Variants in SEMA5A observed in about 807,000 individuals in gnomAD.
SEMA5A encodes the protein semaphorin-5A.
In SEMA5A, 55 loss-of-function variants were observed where a neutral mutation model predicts 135.5. The observed-to-expected ratio is 0.41, with a 90% CI of 0.33 to 0.51. The LOEUF (loss-of-function observed/expected upper bound fraction) is 0.51. SEMA5A is among the 20% of genes least tolerant of loss of function. The probability of loss-of-function intolerance (pLI) is 0.37; values close to 1 mark genes in which losing one functional copy is unlikely to be tolerated. For missense variants in SEMA5A, 1,290 were observed against 1,419.9 expected (o/e 0.91, Z 1.47); for synonymous variants, 580 against 546.5 (o/e 1.06, Z -0.85).
intron 11 of SEMA5A, among the ~76,000 whole-genome samples, chr5:9,184,741 G>C (rs1744715271): frequency 6.6e-6 from 1 of 151,732 alleles, no homozygotes; most frequent in Non-Finnish European, 1.5e-5. Context: ...TTCAACTCTG[G>C]GTACTGACTT....
intron 2 of SEMA5A, among the ~76,000 whole-genome samples, chr5:9,410,582 C>T (rs1366298784): frequency 6.6e-6 from 1 of 152,100 alleles, no homozygotes; most frequent in Non-Finnish European, 1.5e-5. Flanking sequence ...AGCTGGAAGC[C>T]ATCTTCCTCA....
intron 5 of SEMA5A, among the ~76,000 whole-genome samples, chr5:9,308,761 G>A (rs1751988777): frequency 1.3e-5 from 2 of 152,064 alleles, no homozygotes; most frequent in African/African-American, 2.4e-5. Context: ...TCAGATGGCT[G>A]ATCTTGGCTA....
intron 1 of SEMA5A, among the ~76,000 whole-genome samples, chr5:9,478,552 A>G (rs1759757584): frequency 6.6e-6 from 1 of 152,222 alleles, no homozygotes; most frequent in African/African-American, 2.4e-5. Context: ...GATGTGAGAC[A>G]TGGAGTCAAA....
intron 5 of SEMA5A, among the ~76,000 whole-genome samples, chr5:9,284,859 A>G (rs1016216021): frequency 6.6e-6 from 1 of 152,288 alleles, no homozygotes; most frequent in Non-Finnish European, 1.5e-5. Context: ...TTATAGTTCT[A>G]TTCTAGTACT....
intron 17 of SEMA5A, 70 bp downstream of exon 17, chr5:9,066,351 T>A: frequency 6.8e-7 from 1 of 1,462,976 alleles, no homozygotes; most frequent in Non-Finnish European, 9.6e-7. Flanking sequence ...CCTTGCTGTT[T>A]ATGACCTTAG....
intron 5 of SEMA5A, among the ~76,000 whole-genome samples, chr5:9,288,435 A>G (rs906846250): frequency 6.6e-6 from 1 of 152,172 alleles, no homozygotes; most frequent in African/African-American, 2.4e-5. Flanking sequence ...CAGGCCTTCC[A>G]AGGACCTTTT....
At chr5:9,058,405 C>T (rs1320009722) in intron 18 of SEMA5A, among the ~76,000 whole-genome samples, 1 of 152,136 alleles carries the variant, frequency 6.6e-6, no homozygotes, top group Non-Finnish European at 1.5e-5. Flanking sequence ...ATAGGAATCT[C>T]CTCATGGCTT....
intron 15 of SEMA5A, among the ~76,000 whole-genome samples, chr5:9,109,441 C>G (rs1031655891): frequency 1.3e-5 from 2 of 152,182 alleles, no homozygotes; most frequent in Non-Finnish European, 2.9e-5. Flanking sequence ...CAGGTTACAG[C>G]TCATAGAAAG....
At chr5:9,302,953 A>G (rs761940726) in intron 5 of SEMA5A, among the ~76,000 whole-genome samples, 1 of 152,184 alleles carries the variant, frequency 6.6e-6, no homozygotes, top group Non-Finnish European at 1.5e-5. Context: ...GCTATAAGTC[A>G]TGCATATATA....
chr5:9,230,509 C>T (rs369334503), intron 6 of SEMA5A, among the ~76,000 whole-genome samples: 2 of 152,046 alleles, frequency 1.3e-5, no homozygotes, highest in East Asian at 1.9e-4. Flanking sequence ...TGAAAGAGCA[C>T]GTTCTGATCA....
At chr5:9,185,581 A>T (rs1434779365) in intron 11 of SEMA5A, among the ~76,000 whole-genome samples, 1 of 152,230 alleles carries the variant, frequency 6.6e-6, no homozygotes, top group Non-Finnish European at 1.5e-5. Context: ...AAAAGAGATC[A>T]CATTCCTTTT....
At position 9,041,274 on chromosome 5, in the gene SEMA5A, C is replaced by A. The variant is rs1430201789; in HGVS notation, c.*1623G>T. The A allele has an allele frequency of 6.6e-6, 1 of 152,164 alleles. No individual in the cohort carries two copies. 9.4% of individuals were successfully genotyped at this position (152,164 alleles called of 1,614,324 possible). ...AAAGATAAGGGTAAAATCACATATG[C>A]TAATAAAATTCTATGTTCCTTAGTC... On this transcript the variant is annotated 3_prime_UTR_variant, in exon 23 of 23. Transcript: ENST00000382496.
intron 3 of SEMA5A, among the ~76,000 whole-genome samples, chr5:9,353,085 AAAGGAAAGG>A (rs1176007504): frequency 2.2e-4 from 3 of 13,350 alleles, no homozygotes; most frequent in Non-Finnish European, 3.6e-4. Context: ...AAAGGAAAGG[AAAGGAAAGG>A]AAGGAAGGAA....
intron 2 of SEMA5A, among the ~76,000 whole-genome samples, chr5:9,416,514 C>A (rs760785314): frequency 6.6e-6 from 1 of 152,160 alleles, no homozygotes; most frequent in Non-Finnish European, 1.5e-5. Flanking sequence ...CTCGCCCCTA[C>A]CCCAGAGCCT....
At chr5:9,291,026 T>G (rs935740330) in intron 5 of SEMA5A, among the ~76,000 whole-genome samples, 68 of 152,324 alleles carry the variant, frequency 4.5e-4, no homozygotes, top group African/African-American at 1.5e-3. Flanking sequence ...ACTTACATTT[T>G]AATATTAGTA....
At position 9,108,257 on chromosome 5, in the gene SEMA5A, T is replaced by G. The variant is rs760102546; in HGVS notation, c.1956A>C (p.Pro652=). 1.2e-6 allele frequency: 2 copies of G among 1,614,142 alleles called. No homozygotes were observed. The highest frequency in any genetic ancestry group is 2.2e-5 in the South Asian group (2 of 91,078). ...RYCNEHLLCP[P]HMFWTGWGPW... ...GACCCCAGCCTGTCCAGAACATGTG[T>G]GGGGGACATAGCAAATGTTCATTGC... Residue 652 remains proline (P), a synonymous_variant, in exon 16 of 23, where the codon CCA becomes CCC. Transcript: ENST00000382496.
chr5:9,412,064 G>A (rs1243706391), intron 2 of SEMA5A, among the ~76,000 whole-genome samples: 1 of 152,140 alleles, frequency 6.6e-6, no homozygotes, highest in Non-Finnish European at 1.5e-5. Context: ...ATAAACTAAG[G>A]CTAGTTAAGG....
At chr5:9,125,252 C>T (rs253657) in intron 13 of SEMA5A, among the ~76,000 whole-genome samples, 6,295 of 152,254 alleles carry the variant, frequency 0.041, 467 homozygotes, top group African/African-American at 0.14. Flanking sequence ...AATTTCCTTC[C>T]ATACCTGGCT....
chr5:9,265,542 C>A (rs1044668230), intron 5 of SEMA5A: 1 of 456,284 alleles, frequency 2.2e-6, no homozygotes, highest in Non-Finnish European at 4.4e-6. Context: ...CTGCTCCAGG[C>A]TGTGAGTATA....
Sources: allele counts gnomAD v4.1 joint callset (sites outside exome capture counted in the v4.1 genomes callset), GRCh38; gene constraint gnomAD v4.1.1; transcripts MANE v1.5; gene names NCBI Gene and HGNC (gene_info 2026-07-23, HGNC 2026-07-21).